Variants in AGXT2 observed in about 807,000 individuals in gnomAD.
The protein encoded by AGXT2 is alanine--glyoxylate aminotransferase 2, also known as alanine--glyoxylate aminotransferase 2, mitochondrial.
A neutral mutation model predicts 62.5 loss-of-function variants in AGXT2; 61 were observed. The ratio of observed to expected loss-of-function variants is 0.98; its 90% CI spans 0.79 to 1.21. The LOEUF (loss-of-function observed/expected upper bound fraction) is 1.21. Ranked by LOEUF, AGXT2 falls within the 50% of genes most tolerant of loss-of-function variation. The probability of loss-of-function intolerance (pLI) is 0.00; values close to 1 mark genes in which losing one functional copy is unlikely to be tolerated. For missense variants in AGXT2, 666 were observed against 641.5 expected, an observed-to-expected ratio of 1.04 and a Z score of -0.41; for synonymous variants, 243 against 218.7, an observed-to-expected ratio of 1.11 and a Z score of -0.98.
chr5:35,004,733 C>T (rs551142882), intron 12 of AGXT2, among the ~76,000 whole-genome samples: 4 of 152,294 alleles, frequency 2.6e-5, no homozygotes, highest in Admixed American at 6.5e-5. Context: ...CCGGGCTAAG[C>T]GAGCTAAGTG....
At chr5:35,012,888 T>C (rs1418904376) in intron 11 of AGXT2, 66 bp downstream of exon 11, 8 of 1,348,350 alleles carry the variant, frequency 5.9e-6, no homozygotes, top group East Asian at 2.5e-5. Context: ...GTTCTGCTAA[T>C]GCATGTGTGG....
intron 9 of AGXT2, among the ~76,000 whole-genome samples, chr5:35,015,838 A>C (rs1766830301): frequency 8.4e-6 from 1 of 118,972 alleles, no homozygotes; most frequent in South Asian, 3.1e-4. Flanking sequence ...CAACAGAGTG[A>C]GACTCCATCT....
chr5:35,037,696 T>G (rs1008170158), intron 3 of AGXT2, among the ~76,000 whole-genome samples: 2 of 152,148 alleles, frequency 1.3e-5, no homozygotes, highest in African/African-American at 2.4e-5. Flanking sequence ...GGACTATAGG[T>G]GCATGCTACC....
intron 1 of AGXT2, among the ~76,000 whole-genome samples, chr5:35,044,404 G>A (rs1182488212): frequency 6.6e-6 from 1 of 152,180 alleles, no homozygotes; most frequent in African/African-American, 2.4e-5. Flanking sequence ...TTGCTGTTCG[G>A]TATCATCCGC....
chr5:35,029,181 G>A (rs938455279), intron 7 of AGXT2, among the ~76,000 whole-genome samples: 1 of 152,138 alleles, frequency 6.6e-6, no homozygotes, highest in Non-Finnish European at 1.5e-5. Context: ...GAATATAGTA[G>A]ACAAATAAAT....
intron 7 of AGXT2, chr5:35,026,882 G>A (rs762739597): frequency 5.1e-6 from 5 of 985,182 alleles, no homozygotes; most frequent in Non-Finnish European, 6.0e-6. Flanking sequence ...TAATTAGAGC[G>A]ATTTAATTTA....
At chr5:35,028,681 C>G (rs1300126476) in intron 7 of AGXT2, among the ~76,000 whole-genome samples, 2 of 151,036 alleles carry the variant, frequency 1.3e-5, no homozygotes, top group African/African-American at 4.9e-5. Context: ...ATGACTGAAT[C>G]TTCAGAATTT....
chr5:35,044,276 G>T (rs1011916969), intron 1 of AGXT2, among the ~76,000 whole-genome samples: 5 of 152,212 alleles, frequency 3.3e-5, no homozygotes, highest in African/African-American at 1.2e-4. Context: ...GGTCGGTAGA[G>T]AAATTTTTCT....
At chr5:35,033,358 G>C in intron 6 of AGXT2, 102 bp downstream of exon 6, 1 of 939,162 alleles carries the variant, frequency 1.1e-6, no homozygotes. Flanking sequence ...ATTAATGACA[G>C]GCTTTATATT....
chr5:35,026,930 A>AT, intron 7 of AGXT2: 1 of 985,038 alleles, frequency 1.0e-6, no homozygotes, highest in Non-Finnish European at 1.2e-6. Flanking sequence ...TTGCCATTTA[A>AT]TCTGATGTAC....
intron 1 of AGXT2, among the ~76,000 whole-genome samples, chr5:35,045,940 T>A (rs942559926): frequency 7.9e-5 from 12 of 152,034 alleles, no homozygotes; most frequent in Non-Finnish European, 1.3e-4. Flanking sequence ...ACTAATTTTT[T>A]GTACTTTTAG....
intron 1 of AGXT2, among the ~76,000 whole-genome samples, chr5:35,045,904 A>G (rs1259518818): frequency 6.6e-6 from 1 of 151,844 alleles, no homozygotes; most frequent in Non-Finnish European, 1.5e-5. Flanking sequence ...AGTAGCTGGA[A>G]CTACAGGCGT....
At chr5:34,998,945 C>T in intron 13 of AGXT2, 119 bp from the exon 14 acceptor site, 1 of 788,592 alleles carries the variant, frequency 1.3e-6, no homozygotes, top group Admixed American at 2.0e-5. Context: ...ATGTTTCTCT[C>T]AGTTTGGTTC....
chr5:35,013,806 G>T (rs952947877), intron 10 of AGXT2, among the ~76,000 whole-genome samples, 181 bp downstream of exon 10: 2 of 149,796 alleles, frequency 1.3e-5, no homozygotes, highest in African/African-American at 4.9e-5. Flanking sequence ...AAAAAGGGCT[G>T]GCTTTCTTCC....
At chr5:35,034,086 C>T (rs1396172275) in intron 5 of AGXT2, among the ~76,000 whole-genome samples, 3 of 152,032 alleles carry the variant, frequency 2.0e-5, no homozygotes, top group East Asian at 1.9e-4. Context: ...CAAATGAGTT[C>T]GAACAATTTC....
chr5:35,008,127 C>T (rs1186332809), intron 12 of AGXT2, among the ~76,000 whole-genome samples: 1 of 152,142 alleles, frequency 6.6e-6, no homozygotes, highest in Non-Finnish European at 1.5e-5. Context: ...TGATAAATTG[C>T]CCAGCCTCAG....
chr5:35,009,947 A>G (rs1229543911), intron 12 of AGXT2, 53 bp downstream of exon 12: 6 of 1,611,218 alleles, frequency 3.7e-6, no homozygotes, highest in East Asian at 4.5e-5. Flanking sequence ...GTTTCCTCCT[A>G]TATCTCCTGC....
intron 6 of AGXT2, chr5:35,033,138 A>T (rs2291700): frequency 0.96 from 465,514 of 486,718 alleles, 223,865 homozygotes; most frequent in Non-Finnish European, 1. Flanking sequence ...AAATGTGGGT[A>T]CAGTAAGTGG....
Position 35,036,944 on chromosome 5 carries a change from T to C in AGXT2, c.484A>G (p.Lys162Glu). The C allele has an allele frequency of 6.2e-7, 1 of 1,613,908 alleles. No individual in the cohort carries two copies. Among genetic ancestry groups the C allele is most frequent in the Non-Finnish European group, 8.5e-7 (1 of 1,179,950 alleles). ...CTCCTGCAGGAAGAGCATTGTACCT[T>C]AAGAGGCTCAGGAAGAAGTGCGGCA... ...KLAALLPEPL[K>E]VIFLVNSGSE... Residue 162 changes from lysine (K) to glutamate (E), a missense_variant and splice_region_variant, in exon 4 of 14, where the codon AAG (lysine) becomes GAG (glutamate). Coordinates refer to ENST00000231420, the MANE Select transcript of AGXT2 (RefSeq NM_031900.4).
Sources: gnomAD v4.1 joint callset for allele counts (sites outside exome capture counted in the v4.1 genomes callset) on GRCh38, gnomAD v4.1.1 for gene constraint, MANE v1.5 for transcripts, NCBI Gene and HGNC (gene_info 2026-07-23, HGNC 2026-07-21) for gene names.